DNASE1L3: variants seen among roughly 807,000 people sequenced by gnomAD.
DNASE1L3 encodes the protein deoxyribonuclease gamma.
In DNASE1L3, 27 loss-of-function variants were observed where a neutral mutation model predicts 30.9. That is an observed-to-expected ratio of 0.87 (90% CI 0.64 to 1.20). The LOEUF (loss-of-function observed/expected upper bound fraction) is 1.20, where lower values mean the gene tolerates loss of function less well. Ranked by LOEUF, DNASE1L3 falls within the 50% of genes most tolerant of loss-of-function variation. DNASE1L3 has a pLI of 0.00. For synonymous variants in DNASE1L3, 135 were observed against 138.0 expected (o/e 0.98, Z 0.15); for missense variants, 364 against 378.2 (o/e 0.96, Z 0.31).
chr3:58,193,378 C>A lies in DNASE1L3; in HGVS notation c.766G>T (p.Asp256Tyr). 1 of 1,614,110 alleles carries A rather than the reference C, an allele frequency of 6.2e-7. No individual in the cohort carries two copies. The highest frequency in any genetic ancestry group is 1.1e-5 in the South Asian group (1 of 91,066). ...SVVPKSNSVF[D>Y]FQKAYKLTEE... Reference sequence around the variant, plus strand: ...GTCAGCTTGTAAGCTTTCTGGAAGTCAAAAACACTGTTTGACTTGGGAACA... The same window carrying A: ...GTCAGCTTGTAAGCTTTCTGGAAGTAAAAAACACTGTTTGACTTGGGAACA... The change falls in exon 7 of 8, where the codon GAC (aspartate) becomes TAC (tyrosine). Residue 256 changes from aspartate to tyrosine, a missense_variant. Asp to Tyr is a radical substitution (Grantham distance 160, BLOSUM62 -3). Coordinates refer to ENST00000394549, the MANE Select transcript of DNASE1L3 (RefSeq NM_004944.4).
At position 58,201,704 on chromosome 3, in the gene DNASE1L3, A is replaced by G. The variant is rs571331719; in HGVS notation, c.434-595T>C. On this transcript the variant is annotated intron_variant, in intron 4 of 7. Coordinates refer to ENST00000394549, the MANE Select transcript of DNASE1L3 (RefSeq NM_004944.4). ...TACCTATTTAAGAAAGGTTTAAATTATTAGCCAGTCGGGTTAGCTTAGATT... is the reference window on the plus strand; with the variant it reads ...TACCTATTTAAGAAAGGTTTAAATTGTTAGCCAGTCGGGTTAGCTTAGATT... Among the ~76,000 whole-genome samples the G allele has an allele frequency of 1.2e-3, 180 of 152,320 alleles. 2 individuals are homozygous for G. The highest frequency in any genetic ancestry group is 1.3e-3 in the Non-Finnish European group (88 of 68,030).
At position 58,210,900 on chromosome 3, in the gene DNASE1L3, G is replaced by C. The variant is rs202183427; in HGVS notation, c.7C>G (p.Arg3Gly). The change falls in exon 1 of 8, where the codon CGG (arginine) becomes GGG (glycine). Residue 3 changes from arginine to glycine, a missense_variant. Transcript: ENST00000394549. Reference sequence around the variant, plus strand: ...AGAAGCAGCAGTGGGGCCAGCTCCCGTGACATCCTGGCGCTGCTCTGGCTT... The same window carrying C: ...AGAAGCAGCAGTGGGGCCAGCTCCCCTGACATCCTGGCGCTGCTCTGGCTT... Reference protein sequence around the residue: MSRELAPLLLLLL... With the variant: MSGELAPLLLLLL... 3.2e-5 allele frequency: 52 copies of C among 1,613,648 alleles called. No individual in the cohort carries two copies. The highest frequency in any genetic ancestry group is 4.4e-5 in the Non-Finnish European group (52 of 1,179,996).
intron 4 of DNASE1L3, among the ~76,000 whole-genome samples, chr3:58,203,061 G>A (rs778454803): frequency 6.6e-5 from 10 of 152,172 alleles, no homozygotes; most frequent in Non-Finnish European, 1.3e-4. Flanking sequence ...GCTAACAGCA[G>A]CTGTCGCCTT....
intron 1 of DNASE1L3, 48 bp downstream of exon 1, chr3:58,210,718 G>T: frequency 6.2e-7 from 1 of 1,612,606 alleles, no homozygotes; most frequent in Non-Finnish European, 8.5e-7. Context: ...AGACAGGAGA[G>T]AGGGTGTGAG....
intron 2 of DNASE1L3, chr3:58,207,667 A>AT (rs377668139): frequency 5.9e-4 from 88 of 150,058 alleles, no homozygotes; most frequent in South Asian, 4.0e-3. Context: ...AGCAAGCATG[A>AT]TTTTTTTTTT....
chr3:58,192,745 A>G lies in DNASE1L3; in HGVS notation c.860T>C (p.Phe287Ser), dbSNP rs970045878. The G allele has an allele frequency of 6.2e-7, 1 of 1,614,090 alleles. No homozygotes were observed. The highest frequency in any genetic ancestry group is 8.5e-7 in the Non-Finnish European group (1 of 1,180,006). ...VEFKLQSSRA[F>S]TNSKKSVTLR... ...AGTGACAGATTTTTTGCTGTTGGTG[A>G]AGGCCCTTGAAGACTGTAGTTTAAA... The change falls in exon 8 of 8, where the codon TTC (phenylalanine) becomes TCC (serine). Residue 287 changes from phenylalanine (F) to serine (S), a missense_variant. Phe to Ser is a radical substitution (Grantham distance 155). Coordinates refer to ENST00000394549, the MANE Select transcript of DNASE1L3 (RefSeq NM_004944.4). The surrounding 1 kb of genome is among the most constrained non-coding windows in gnomAD (Gnocchi z 4.8).
rs891809699 is a variant in DNASE1L3, at chr3:58,192,683, G to T, written c.*4C>A. ...AAATGGTTAATAAGATGAGACCCTTGGGTCTAGGAGCGTTTGCTCTTTGTT... is the reference window on the plus strand; with the variant it reads ...AAATGGTTAATAAGATGAGACCCTTTGGTCTAGGAGCGTTTGCTCTTTGTT... On this transcript the variant is annotated 3_prime_UTR_variant, in exon 8 of 8. Transcript: ENST00000394549. The surrounding 1 kb of genome is among the most constrained non-coding windows in gnomAD (Gnocchi z 4.8). 1.2e-6 allele frequency: 2 copies of T among 1,612,440 alleles called. No homozygotes were observed. The highest frequency in any genetic ancestry group is 8.5e-7 in the Non-Finnish European group (1 of 1,179,462).
In DNASE1L3 at chr3:58,210,920, T is replaced by C; in HGVS notation, c.-14A>G. 1 of 1,613,168 alleles carries C rather than the reference T, an allele frequency of 6.2e-7. No individual in the cohort carries two copies. Among genetic ancestry groups the C allele is most frequent in the Non-Finnish European group, 8.5e-7 (1 of 1,179,870 alleles). On this transcript the variant is annotated 5_prime_UTR_variant, in exon 1 of 8. Transcript: ENST00000394549. ...CTCCCGTGACATCCTGGCGCTGCTC[T>C]GGCTTCAAGACTCTGTGAGAAGACA...
intron 7 of DNASE1L3, chr3:58,193,082 T>C: frequency 7.2e-7 from 1 of 1,391,928 alleles, no homozygotes; most frequent in Non-Finnish European, 9.3e-7. Context: ...CATCTTTTTT[T>C]TTTTTTTTTT....
rs1362901133 is a variant in DNASE1L3 at position 58,193,429 on chromosome 3, T to C, written c.715A>G (p.Arg239Gly). 2.5e-6 allele frequency: 4 copies of C among 1,612,778 alleles called. No individual in the cohort carries two copies. The highest frequency in any genetic ancestry group is 1.6e-4 in the Middle Eastern group (1 of 6,080). Reference sequence around the variant, plus strand: ...ACAGAACTGACGATTTCTTGTCCTCTAAGCACAATCCTGGAACAAGGGGAG... The same window carrying C: ...ACAGAACTGACGATTTCTTGTCCTCCAAGCACAATCCTGGAACAAGGGGAG... ...TNCAYDRIVLRGQEIVSSVVP... is the reference protein window; with the variant it reads ...TNCAYDRIVLGGQEIVSSVVP... The change falls in exon 7 of 8, where the codon AGA (arginine) becomes GGA (glycine). Residue 239 changes from arginine to glycine, a missense_variant. By Grantham distance (125) the Arg-to-Gly change is moderately radical (BLOSUM62 -2). Transcript: ENST00000394549.
Position 58,197,063 on chromosome 3 carries a change from G to A in DNASE1L3, c.704+758C>T, listed in dbSNP as rs139433642. Among the ~76,000 whole-genome samples, 26 of 152,276 alleles carry A rather than the reference G, an allele frequency of 1.7e-4. No homozygotes were observed. Among genetic ancestry groups the A allele is most frequent in the Admixed American group, 1.1e-3 (17 of 15,312 alleles). On this transcript the variant is annotated intron_variant, in intron 6 of 7. Transcript: ENST00000394549. This position sits in a 1 kb window ranked among gnomAD's most constrained non-coding sequence, Gnocchi z 5.3. ...GATGGGGATTGGGCGCATCAATTGC[G>A]GTAAGTCTTTGTGATGGAACAATGA...
chr3:58,197,742 A>G lies in DNASE1L3; in HGVS notation c.704+79T>C. 3 of 1,599,348 alleles carry G rather than the reference A, an allele frequency of 1.9e-6. No individual in the cohort carries two copies. The highest frequency in any genetic ancestry group is 2.6e-6 in the Non-Finnish European group (3 of 1,170,542). On this transcript the variant is annotated intron_variant, in intron 6 of 7. Coordinates refer to ENST00000394549, the MANE Select transcript of DNASE1L3 (RefSeq NM_004944.4). The surrounding 1 kb of genome is among the most constrained non-coding windows in gnomAD (Gnocchi z 5.3). ...TGCTAGGACTACTGGCGTGAGCCACAGTGCCCAGCCACCTTGCGTCTTTCC... is the reference window on the plus strand; with the variant it reads ...TGCTAGGACTACTGGCGTGAGCCACGGTGCCCAGCCACCTTGCGTCTTTCC...
chr3:58,201,155 G>T lies in DNASE1L3; in HGVS notation c.434-46C>A, dbSNP rs757534446. 3.9e-6 allele frequency: 6 copies of T among 1,522,044 alleles called. 1 individual carries two copies. The South Asian group carries it at 5.9e-5, about 15-fold the overall frequency. The allele number at this position is 1,522,044 out of a possible 1,614,324, so 94.3% of individuals were successfully genotyped here. A position where few individuals can be genotyped will look rare whatever the true frequency, so the allele number is the denominator to read the frequency against. On this transcript the variant is annotated intron_variant, in intron 4 of 7. Transcript: ENST00000394549. Reference sequence around the variant, plus strand: ...GGGGGTCACACACTTCCCCTGTCAAGGTCTCATAAACACTGCTGGAGGGAA... The same window carrying T: ...GGGGGTCACACACTTCCCCTGTCAATGTCTCATAAACACTGCTGGAGGGAA...
chr3:58,208,249 T>G lies in DNASE1L3; in HGVS notation c.199A>C (p.Ile67Leu). 6.2e-7 allele frequency: 1 copy of G among 1,614,212 alleles called. No homozygotes were observed. The highest frequency in any genetic ancestry group is 8.5e-7 in the Non-Finnish European group (1 of 1,180,028). ...AGCTTCTCCATCAGTATGGGGCAGA[T>G]CCTGTTGTTGCTGTCCTTGATTTCC... ...VMEIKDSNNR[I>L]CPILMEKLNR... Residue 67 changes from isoleucine (I) to leucine (L), a missense_variant, in exon 2 of 8, where the codon ATC (isoleucine) becomes CTC (leucine). By Grantham distance (5) the Ile-to-Leu change is conservative. Coordinates refer to ENST00000394549, the MANE Select transcript of DNASE1L3 (RefSeq NM_004944.4).
intron 2 of DNASE1L3, chr3:58,207,623 C>T (rs1164545095): frequency 6.6e-6 from 1 of 151,984 alleles, no homozygotes; most frequent in East Asian, 1.9e-4. Context: ...GGCCATTATT[C>T]CGTGCTGGAA....
chr3:58,209,794 C>T (rs1559760046), intron 1 of DNASE1L3, among the ~76,000 whole-genome samples: 2 of 152,216 alleles, frequency 1.3e-5, no homozygotes, highest in African/African-American at 4.8e-5. Flanking sequence ...CCCAAGCTCA[C>T]AAGTCTGGTA....
intron 2 of DNASE1L3, among the ~76,000 whole-genome samples, chr3:58,206,843 A>T (rs1204631150): frequency 6.6e-6 from 1 of 152,154 alleles, no homozygotes; most frequent in Non-Finnish European, 1.5e-5. Flanking sequence ...AGGCTTGGCC[A>T]CTTCCTGGCT....
intron 1 of DNASE1L3, among the ~76,000 whole-genome samples, chr3:58,209,386 C>G (rs569295132): frequency 6.6e-6 from 1 of 152,342 alleles, no homozygotes; most frequent in African/African-American, 2.4e-5. Flanking sequence ...CAGTGGCTAC[C>G]CAGGCTCCAC....
intron 6 of DNASE1L3, among the ~76,000 whole-genome samples, chr3:58,194,775 G>A (rs1222707677): frequency 1.3e-5 from 2 of 151,640 alleles, no homozygotes; most frequent in African/African-American, 2.4e-5. Context: ...ACAGGTGCCC[G>A]GCACCACGCC....
Sources: gnomAD v4.1 joint callset for allele counts (sites outside exome capture counted in the v4.1 genomes callset) on GRCh38, gnomAD v4.1.1 for gene constraint, Gnocchi (gnomAD v3.1) non-coding constraint, MANE v1.5 for transcripts, NCBI Gene and HGNC (gene_info 2026-07-23, HGNC 2026-07-21) for gene names.